Variants in GMDS observed in about 807,000 individuals in gnomAD.
GMDS encodes GDP-mannose 4,6-dehydratase.
Under a neutral mutation model 49.9 loss-of-function variants are expected in GMDS, and 20 were observed. That is an observed-to-expected ratio of 0.40 (90% CI 0.28 to 0.58). The LOEUF is 0.58. GMDS is among the 20% of genes least tolerant of loss of function. The pLI is 0.42. For missense variants in GMDS, 362 were observed against 481.4 expected (o/e 0.75, Z 2.32); for synonymous variants, 177 against 178.6 (o/e 0.99, Z 0.07).
intron 7 of GMDS, among the ~76,000 whole-genome samples, chr6:1,908,570 C>T (rs1760892488): frequency 6.6e-6 from 1 of 152,104 alleles, no homozygotes; most frequent in Non-Finnish European, 1.5e-5. Flanking sequence ...TTTCATCATT[C>T]CAGTTAATAA....
chr6:1,682,503 C>G, intron 9 of GMDS, among the ~76,000 whole-genome samples: 1 of 152,222 alleles, frequency 6.6e-6, no homozygotes, highest in Non-Finnish European at 1.5e-5. Flanking sequence ...GCCCACTAGG[C>G]CAGGCAGGCG....
At position 1,957,439 on chromosome 6, in the gene GMDS, G is replaced by A. The variant is rs564583143; in HGVS notation, c.643+2428C>T. ...TAATGATCAAGTTTTAAGAAATGCT[G>A]TAAATAGTAGGCATTACATATCAAA... On this transcript the variant is annotated intron_variant, in intron 6 of 10. Coordinates refer to ENST00000380815, the MANE Select transcript of GMDS (RefSeq NM_001500.4). Among the ~76,000 whole-genome samples the A allele has an allele frequency of 2.2e-3, 331 of 152,294 alleles. 4 individuals are homozygous for A. Among genetic ancestry groups the A allele is most frequent in the Non-Finnish European group, 3.0e-3 (205 of 68,024 alleles).
chr6:2,082,231 C>T (rs865964378), intron 4 of GMDS, among the ~76,000 whole-genome samples: 43 of 152,170 alleles, frequency 2.8e-4, no homozygotes, highest in Admixed American at 2.0e-3. Context: ...TTCAAGAACC[C>T]ATCAGCTGAT....
intron 1 of GMDS, among the ~76,000 whole-genome samples, chr6:2,161,629 A>T (rs1168056645): frequency 6.6e-6 from 1 of 152,248 alleles, no homozygotes; most frequent in East Asian, 1.9e-4. Context: ...GCTGACCCAG[A>T]GGTGGTGGGG....
At chr6:2,177,032 A>C (rs975970531) in intron 1 of GMDS, among the ~76,000 whole-genome samples, 16 of 152,206 alleles carry the variant, frequency 1.1e-4, no homozygotes, top group Admixed American at 6.5e-5. Context: ...AGGGCAGGAA[A>C]TAAATGGAGC....
intron 4 of GMDS, among the ~76,000 whole-genome samples, chr6:2,008,701 G>GA (rs1393456688): frequency 6.6e-6 from 1 of 152,170 alleles, no homozygotes; most frequent in Non-Finnish European, 1.5e-5. Flanking sequence ...GACTCATTTA[G>GA]AAAAATATTT....
intron 7 of GMDS, among the ~76,000 whole-genome samples, chr6:1,831,745 TGCCAGAGCAA>T (rs990451264): frequency 5.9e-5 from 9 of 152,166 alleles, no homozygotes; most frequent in African/African-American, 2.2e-4. Context: ...TAGAGGTATT[TGCCAGAGCAA>T]GCTAGCATAT....
intron 4 of GMDS, among the ~76,000 whole-genome samples, chr6:2,003,917 T>C (rs1445740500): frequency 2.0e-5 from 3 of 152,154 alleles, no homozygotes; most frequent in African/African-American, 4.8e-5. Context: ...AAAGATCCAA[T>C]GTAGGTAATT....
chr6:2,024,863 C>A (rs1232067998), intron 4 of GMDS, among the ~76,000 whole-genome samples: 3 of 150,262 alleles, frequency 2.0e-5, no homozygotes, highest in African/African-American at 4.8e-5. Flanking sequence ...ACACTGAAAG[C>A]AAAAAGGACA....
chr6:2,041,687 C>A (rs949364339), intron 4 of GMDS, among the ~76,000 whole-genome samples: 4 of 152,004 alleles, frequency 2.6e-5, no homozygotes, highest in Non-Finnish European at 5.9e-5. Context: ...GTCAGGAGTG[C>A]AGTAGGGCTC....
intron 7 of GMDS, among the ~76,000 whole-genome samples, chr6:1,837,450 C>T (rs541693906): frequency 1.3e-5 from 2 of 152,244 alleles, no homozygotes; most frequent in Middle Eastern, 3.4e-3. Flanking sequence ...GGCCTTTTTG[C>T]TTCCTAATCT....
intron 4 of GMDS, among the ~76,000 whole-genome samples, chr6:2,101,328 AAG>A (rs1450822113): frequency 6.6e-6 from 1 of 151,980 alleles, no homozygotes. Context: ...AAACAAAAAA[AAG>A]AGAGAAAATA....
At chr6:2,063,904 A>C (rs989021440) in intron 4 of GMDS, among the ~76,000 whole-genome samples, 1 of 152,244 alleles carries the variant, frequency 6.6e-6, no homozygotes, top group Non-Finnish European at 1.5e-5. Context: ...AAAGAACAGC[A>C]ATAAATAAAA....
chr6:1,761,680 A>G (rs1299378184), intron 7 of GMDS, among the ~76,000 whole-genome samples: 3 of 152,210 alleles, frequency 2.0e-5, no homozygotes, highest in African/African-American at 7.2e-5. Flanking sequence ...TGAGTGTCAA[A>G]ATATTGTTCT....
At chr6:1,667,706 T>C (rs200455833) in intron 9 of GMDS, among the ~76,000 whole-genome samples, 1 of 140,642 alleles carries the variant, frequency 7.1e-6, no homozygotes. Flanking sequence ...TTTTTTTTCT[T>C]TTTTTTTTGG....
chr6:1,861,566 G>C (rs536219072), intron 7 of GMDS, among the ~76,000 whole-genome samples: 1 of 151,704 alleles, frequency 6.6e-6, no homozygotes, highest in African/African-American at 2.4e-5. Context: ...CTCTAATTTC[G>C]GGGCATGAAG....
At chr6:1,661,013 A>G (rs1292991305) in intron 9 of GMDS, among the ~76,000 whole-genome samples, 1 of 151,810 alleles carries the variant, frequency 6.6e-6, no homozygotes, top group African/African-American at 2.4e-5. Context: ...TCCATATCTG[A>G]GCAGCGCCAC....
chr6:2,153,691 A>C (rs996737048), intron 1 of GMDS, among the ~76,000 whole-genome samples: 56 of 152,146 alleles, frequency 3.7e-4, no homozygotes, highest in African/African-American at 1.3e-3. Context: ...TCTAAACCCC[A>C]CTGTGATAAG....
intron 4 of GMDS, among the ~76,000 whole-genome samples, chr6:1,999,982 T>TATATATATA (rs1561961757): frequency 1.6e-3 from 18 of 11,322 alleles, no homozygotes; most frequent in African/African-American, 3.4e-3. Context: ...ATATATATAT[T>TATATATATA]TTATATATAT....
Sources: allele counts gnomAD v4.1 joint callset (sites outside exome capture counted in the v4.1 genomes callset), GRCh38; gene constraint gnomAD v4.1.1; transcripts MANE v1.5; gene names NCBI Gene and HGNC (gene_info 2026-07-23, HGNC 2026-07-21).